CNTN4: variants seen among roughly 807,000 people sequenced by gnomAD.
CNTN4 encodes contactin 4, also known as contactin-4.
A neutral mutation model predicts 122.5 loss-of-function variants in CNTN4; 77 were observed. The ratio of observed to expected loss-of-function variants is 0.63; its 90% CI spans 0.52 to 0.76. The LOEUF (loss-of-function observed/expected upper bound fraction) is 0.76. Among genes scored for constraint, CNTN4 ranks in the 30% least tolerant of loss-of-function variants. The probability of loss-of-function intolerance (pLI) is 0.00; values close to 1 mark genes in which losing one functional copy is unlikely to be tolerated. For missense variants in CNTN4, 1,256 were observed against 1,259.1 expected (o/e 1.00, Z 0.04); for synonymous variants, 512 against 447.0 (o/e 1.15, Z -1.83).
intron 4 of CNTN4, among the ~76,000 whole-genome samples, chr3:2,727,558 C>T (rs925360965): frequency 1.1e-4 from 16 of 152,154 alleles, no homozygotes; most frequent in African/African-American, 3.9e-4. Flanking sequence ...TGATACAGCC[C>T]CACGGCTGTT....
intron 2 of CNTN4, among the ~76,000 whole-genome samples, chr3:2,251,925 T>A (rs1461122992): frequency 6.6e-6 from 1 of 151,960 alleles, no homozygotes; most frequent in African/African-American, 2.4e-5. Flanking sequence ...TCCAATTTAT[T>A]TTATATACTA....
intron 7 of CNTN4, among the ~76,000 whole-genome samples, chr3:2,865,685 GA>G (rs911339493): frequency 2.6e-5 from 4 of 152,198 alleles, no homozygotes; most frequent in Non-Finnish European, 5.9e-5. Context: ...ACACTTTAAA[GA>G]GAGGAATCGT....
rs533760345 is a variant in CNTN4, at chr3:2,158,182, T to C, written c.-145+57543T>C. ...GGTGGCAAAGTGACACATCAAAGTT[T>C]ATGTTCCAGAAATAAAAAAGAAACT... On this transcript the variant is annotated intron_variant, in intron 2 of 24. Transcript: ENST00000418658. Among the ~76,000 whole-genome samples the C allele has an allele frequency of 2.2e-3, 340 of 152,294 alleles. 4 individuals carry two copies. Among genetic ancestry groups the C allele is most frequent in the Non-Finnish European group, 4.1e-3 (280 of 68,024 alleles).
chr3:2,983,348 C>G (rs909605376), intron 13 of CNTN4, among the ~76,000 whole-genome samples: 1 of 149,952 alleles, frequency 6.7e-6, no homozygotes, highest in African/African-American at 2.5e-5. Context: ...TTTGGTGTCA[C>G]CCATATGCTT....
chr3:2,969,347 G>T (rs891682489), intron 13 of CNTN4, among the ~76,000 whole-genome samples: 1 of 152,106 alleles, frequency 6.6e-6, no homozygotes, highest in African/African-American at 2.4e-5. Flanking sequence ...GTCTAGGCTA[G>T]GTCAGGTGTC....
At chr3:2,298,793 A>G (rs2042401517) in intron 2 of CNTN4, among the ~76,000 whole-genome samples, 1 of 151,998 alleles carries the variant, frequency 6.6e-6, no homozygotes, top group African/African-American at 2.4e-5. Flanking sequence ...GCATGGAATG[A>G]GTATTGTTTT....
chr3:2,873,450 CTG>C (rs1199553854), intron 8 of CNTN4, among the ~76,000 whole-genome samples: 1 of 152,228 alleles, frequency 6.6e-6, no homozygotes, highest in East Asian at 1.9e-4. Flanking sequence ...GCCTTCACCT[CTG>C]TGACCATTAT....
intron 19 of CNTN4, 189 bp downstream of exon 19, chr3:3,039,192 G>A (rs968806462): frequency 1.7e-6 from 1 of 603,272 alleles, no homozygotes; most frequent in Non-Finnish European, 3.0e-6. Flanking sequence ...CCATTGTTGA[G>A]GCAAGTTTTA....
intron 13 of CNTN4, among the ~76,000 whole-genome samples, chr3:2,940,945 T>A (rs1223096113): frequency 2.0e-5 from 3 of 152,184 alleles, no homozygotes; most frequent in Non-Finnish European, 4.4e-5. Context: ...ACACATTGAC[T>A]TTCCCACATA....
chr3:2,906,713 G>A (rs543710518), intron 12 of CNTN4, among the ~76,000 whole-genome samples: 24 of 151,594 alleles, frequency 1.6e-4, no homozygotes, highest in Middle Eastern at 3.4e-3. Flanking sequence ...GCATGGTGGC[G>A]CATGCCTGTA....
chr3:2,590,630 C>G (rs2080426350), intron 4 of CNTN4, among the ~76,000 whole-genome samples: 1 of 151,962 alleles, frequency 6.6e-6, no homozygotes, highest in African/African-American at 2.4e-5. Flanking sequence ...TCTCATACAA[C>G]TCCCTCTGAG....
chr3:2,414,720 G>C (rs2047351292), intron 3 of CNTN4, among the ~76,000 whole-genome samples: 2 of 151,954 alleles, frequency 1.3e-5, no homozygotes, highest in African/African-American at 4.8e-5. Flanking sequence ...AGTTGATTTT[G>C]TTTTGTATTT....
At chr3:3,041,888 A>C (rs1300405440) in intron 20 of CNTN4, among the ~76,000 whole-genome samples, 2 of 152,186 alleles carry the variant, frequency 1.3e-5, no homozygotes, top group African/African-American at 2.4e-5. Flanking sequence ...TGAGCTCAGG[A>C]GGTCAGGCTG....
intron 2 of CNTN4, among the ~76,000 whole-genome samples, chr3:2,297,114 A>T (rs1277072779): frequency 1.3e-5 from 2 of 152,158 alleles, no homozygotes; most frequent in African/African-American, 4.8e-5. Context: ...CTGCAATATA[A>T]ATTCAGTTTG....
intron 2 of CNTN4, among the ~76,000 whole-genome samples, chr3:2,285,224 C>T (rs17011788): frequency 6.6e-6 from 1 of 151,982 alleles, no homozygotes; most frequent in African/African-American, 2.4e-5. Context: ...AGATGAGTAA[C>T]AAATACATCC....
chr3:2,590,310 G>A (rs866145612), intron 4 of CNTN4, among the ~76,000 whole-genome samples: 1 of 152,148 alleles, frequency 6.6e-6, no homozygotes, highest in Non-Finnish European at 1.5e-5. Flanking sequence ...AGGCTGGAGT[G>A]CAGTGGCACG....
rs181738145 is a variant in CNTN4 at position 2,147,455 on chromosome 3, G to A, written c.-145+46816G>A. ...AAGCCAGACCAGAAGCTAGGGGCTC[G>A]TTAATTTTTATGTATCATCAATGGA... On this transcript the variant is annotated intron_variant, in intron 2 of 24. Coordinates refer to ENST00000418658, the MANE Select transcript of CNTN4 (RefSeq NM_175607.3). Among the ~76,000 whole-genome samples, 287 of 152,172 alleles carry A rather than the reference G, an allele frequency of 1.9e-3. 1 individual carries two copies. The highest frequency in any genetic ancestry group is 6.6e-3 in the African/African-American group (275 of 41,528).
At position 2,729,784 on chromosome 3, in the gene CNTN4, C is replaced by G. The variant is rs144819826; in HGVS notation, c.56-6431C>G. Among the ~76,000 whole-genome samples the G allele has an allele frequency of 6.8e-3, 1,023 of 150,880 alleles. 15 individuals carry two copies. The highest frequency in any genetic ancestry group is 0.023 in the African/African-American group (944 of 41,048). On this transcript the variant is annotated intron_variant, in intron 4 of 24. Coordinates refer to ENST00000418658, the MANE Select transcript of CNTN4 (RefSeq NM_175607.3). The stretch of plus-strand genomic sequence containing the variant: ...AAAAAATTAGCCAGGTGTGTTGGCA[C>G]GCGCCTGTAATACCAGCTACTAAGA...
At chr3:2,453,150 G>T (rs1429729443) in intron 3 of CNTN4, among the ~76,000 whole-genome samples, 1 of 151,358 alleles carries the variant, frequency 6.6e-6, no homozygotes, top group Non-Finnish European at 1.5e-5. Flanking sequence ...CAATCTTCTT[G>T]TACAAAATAA....
Sources: allele counts gnomAD v4.1 joint callset (sites outside exome capture counted in the v4.1 genomes callset), GRCh38; gene constraint gnomAD v4.1.1; transcripts MANE v1.5; gene names NCBI Gene and HGNC (gene_info 2026-07-23, HGNC 2026-07-21).